CDH13: variants seen among roughly 807,000 people sequenced by gnomAD.
CDH13 encodes cadherin 13.
Under a neutral mutation model 63.8 loss-of-function variants are expected in CDH13, and 24 were observed. The ratio of observed to expected loss-of-function variants is 0.38; its 90% CI spans 0.27 to 0.53. CDH13 has a LOEUF of 0.53. CDH13 is among the 20% of genes least tolerant of loss of function. The pLI is 0.85. For synonymous variants in CDH13, 503 were observed against 355.3 expected, an observed-to-expected ratio of 1.42 and a Z score of -4.67; for missense variants, 1,049 against 903.1, an observed-to-expected ratio of 1.16 and a Z score of -2.07.
intron 3 of CDH13, among the ~76,000 whole-genome samples, chr16:83,058,779 T>C (rs796180218): frequency 4.6e-5 from 7 of 152,308 alleles, no homozygotes; most frequent in African/African-American, 1.7e-4. Context: ...AAAACAAACG[T>C]GCAGTCTGAG....
intron 11 of CDH13, among the ~76,000 whole-genome samples, chr16:83,759,462 A>G (rs921975444): frequency 6.6e-5 from 10 of 152,314 alleles, no homozygotes; most frequent in African/African-American, 2.2e-4. Flanking sequence ...ATATGAGAAC[A>G]TATATGTCCT....
intron 1 of CDH13, among the ~76,000 whole-genome samples, chr16:82,672,753 G>A (rs1161037809): frequency 7.0e-6 from 1 of 143,120 alleles, no homozygotes; most frequent in Non-Finnish European, 1.5e-5. Context: ...CTTTAAGAAA[G>A]GAAATATATA....
At chr16:83,355,183 G>C (rs879576904) in intron 6 of CDH13, among the ~76,000 whole-genome samples, 1 of 152,198 alleles carries the variant, frequency 6.6e-6, no homozygotes, top group African/African-American at 2.4e-5. Flanking sequence ...CTAGGCATGA[G>C]AAAACCATGG....
intron 7 of CDH13, among the ~76,000 whole-genome samples, chr16:83,561,518 A>T (rs1387887210): frequency 1.1e-4 from 17 of 152,076 alleles, no homozygotes; most frequent in Non-Finnish European, 2.5e-4. Context: ...CATTTAAGTC[A>T]ATAGTAGCAC....
chr16:83,111,316 A>G (rs1472193698), intron 3 of CDH13, among the ~76,000 whole-genome samples: 2 of 152,222 alleles, frequency 1.3e-5, no homozygotes, highest in Non-Finnish European at 1.5e-5. Flanking sequence ...AGAATGTCCC[A>G]TGTGCAGTGA....
chr16:83,707,836 C>CAAAAAAAAAAAAAAAAAAAAAAAAAA lies in CDH13; in HGVS notation c.1538+29397_1538+29398insAAAAAAAAAAAAAAAAAAAAAAAAAA, dbSNP rs61067563. Among the ~76,000 whole-genome samples, 177 of 78,862 alleles carry CAAAAAAAAAAAAAAAAAAAAAAAAAA rather than the reference C, an allele frequency of 2.2e-3. 23 individuals carry two copies. Among genetic ancestry groups the CAAAAAAAAAAAAAAAAAAAAAAAAAA allele is most frequent in the African/African-American group, 3.3e-3 (65 of 19,978 alleles). The allele number at this position is 78,862 out of a possible 152,430, so 51.7% of individuals were successfully genotyped here. On this transcript the variant is annotated intron_variant, in intron 10 of 13. Transcript: ENST00000567109. ...CATCTTTGGTGAGAGACCCTAAAGG[C>CAAAAAAAAAAAAAAAAAAAAAAAAAA]AAAAAAAAAAAAAAAAAAAAAAGAG...
chr16:83,364,756 T>C (rs938572462), intron 6 of CDH13, among the ~76,000 whole-genome samples: 2 of 151,976 alleles, frequency 1.3e-5, no homozygotes, highest in Non-Finnish European at 2.9e-5. Context: ...AGAGTGTGGG[T>C]TGGAGGAGGC....
intron 6 of CDH13, among the ~76,000 whole-genome samples, chr16:83,360,435 G>T (rs1399546627): frequency 6.6e-6 from 1 of 151,934 alleles, no homozygotes; most frequent in African/African-American, 2.4e-5. Flanking sequence ...TTTCATGGTA[G>T]ATCTATTTTT....
At chr16:83,180,590 A>G (rs762733299) in intron 4 of CDH13, among the ~76,000 whole-genome samples, 2 of 152,242 alleles carry the variant, frequency 1.3e-5, no homozygotes, top group Non-Finnish European at 2.9e-5. Flanking sequence ...AAGAAGCCAT[A>G]TGTTTGAAGT....
intron 2 of CDH13, among the ~76,000 whole-genome samples, chr16:82,866,025 G>T (rs1459111157): frequency 2.6e-5 from 4 of 152,158 alleles, no homozygotes; most frequent in Non-Finnish European, 4.4e-5. Flanking sequence ...AAATTCTGCA[G>T]ATCACTAGGG....
intron 7 of CDH13, among the ~76,000 whole-genome samples, chr16:83,583,197 T>G (rs764684957): frequency 4.6e-5 from 7 of 152,198 alleles, no homozygotes; most frequent in Non-Finnish European, 1.0e-4. Flanking sequence ...TAAGGATACT[T>G]GTAGATTTAG....
At position 83,548,738 on chromosome 16, in the gene CDH13, C is replaced by G. The variant is rs148211178; in HGVS notation, c.961-53716C>G. 7.3e-3 allele frequency among the ~76,000 whole-genome samples: 1,102 copies of G among 151,920 alleles called. 12 individuals are homozygous for G. The highest frequency in any genetic ancestry group is 0.025 in the African/African-American group (1,023 of 41,432). On this transcript the variant is annotated intron_variant, in intron 7 of 13. Coordinates refer to ENST00000567109, the MANE Select transcript of CDH13 (RefSeq NM_001257.5). ...CCCACAAGGCAGCCTTTTTTTTTCT[C>G]TGTTAATGAAGTTTCCAGCCACCTT...
In CDH13 at chr16:83,171,580, G is replaced by T. The variant is rs76964433; in HGVS notation, c.484-45765G>T. On this transcript the variant is annotated intron_variant, in intron 4 of 13. Transcript: ENST00000567109. ...TGGCTGACATGAGATAAGTGCACAG[G>T]AAATTTTGAAATATCTGTGTCTCTA... The T allele has an allele frequency of 0.036, 55,471 of 1,527,304 alleles. 1,911 individuals are homozygous for T. Among genetic ancestry groups the T allele is most frequent in the African/African-American group, 0.14 (10,314 of 72,972 alleles). 94.6% of individuals were successfully genotyped at this position (1,527,304 alleles called of 1,614,324 possible). A position where few individuals can be genotyped will look rare whatever the true frequency, so the allele number is the denominator to read the frequency against.
chr16:83,709,073 GC>G (rs1365007797), intron 10 of CDH13, among the ~76,000 whole-genome samples: 8 of 151,980 alleles, frequency 5.3e-5, no homozygotes, highest in African/African-American at 1.9e-4. Flanking sequence ...TAAAATGGAG[GC>G]AGGAGGGTCA....
chr16:83,091,038 G>A (rs2033881963), intron 3 of CDH13, among the ~76,000 whole-genome samples: 1 of 151,704 alleles, frequency 6.6e-6, no homozygotes, highest in Non-Finnish European at 1.5e-5. Context: ...CATTTTCTAT[G>A]TTGCTACATG....
chr16:83,429,536 T>A (rs1015816243), intron 6 of CDH13, among the ~76,000 whole-genome samples: 14 of 130,698 alleles, frequency 1.1e-4, no homozygotes, highest in Non-Finnish European at 1.8e-4. Flanking sequence ...ACACACACAC[T>A]CACACAGCAT....
chr16:83,782,723 G>C (rs755747036), intron 12 of CDH13, among the ~76,000 whole-genome samples: 1 of 145,122 alleles, frequency 6.9e-6, no homozygotes, highest in African/African-American at 2.6e-5. Flanking sequence ...GCAACAGAGT[G>C]AGACCCTGTC....
chr16:82,873,189 A>G (rs557745626), intron 2 of CDH13, among the ~76,000 whole-genome samples: 2 of 152,326 alleles, frequency 1.3e-5, no homozygotes, highest in Middle Eastern at 3.4e-3. Flanking sequence ...CTCATGTCAA[A>G]GCCCTAAAAT....
At chr16:82,642,291 G>T (rs1475895365) in intron 1 of CDH13, among the ~76,000 whole-genome samples, 1 of 152,106 alleles carries the variant, frequency 6.6e-6, no homozygotes, top group East Asian at 1.9e-4. Flanking sequence ...AGGGTTTTAG[G>T]CAAACACAGT....
Sources: allele counts gnomAD v4.1 joint callset (sites outside exome capture counted in the v4.1 genomes callset), GRCh38; gene constraint gnomAD v4.1.1; transcripts MANE v1.5; gene names NCBI Gene and HGNC (gene_info 2026-07-23, HGNC 2026-07-21).